FOXP2: variants seen among roughly 807,000 people sequenced by gnomAD.
FOXP2 encodes forkhead box P2, also known as forkhead box protein P2.
In FOXP2, 12 loss-of-function variants were observed where a neutral mutation model predicts 115.8. That is an observed-to-expected ratio of 0.10 (90% CI 0.07 to 0.17). The LOEUF (loss-of-function observed/expected upper bound fraction) is 0.17. Ranked by LOEUF, FOXP2 falls within the 10% of genes least tolerant of loss-of-function variation. The probability of loss-of-function intolerance (pLI) is 1.00; values close to 1 mark genes in which losing one functional copy is unlikely to be tolerated. For synonymous variants in FOXP2, 328 were observed against 297.7 expected, an observed-to-expected ratio of 1.10 and a Z score of -1.05; for missense variants, 629 against 843.5, an observed-to-expected ratio of 0.75 and a Z score of 3.15.
chr7:114,572,007 G>A (rs1019388298), intron 3 of FOXP2, among the ~76,000 whole-genome samples: 2 of 151,532 alleles, frequency 1.3e-5, no homozygotes, highest in South Asian at 2.1e-4. Flanking sequence ...TATAATTGGC[G>A]AACAACAACA....
At chr7:114,329,473 C>T (rs1410894923) in intron 2 of FOXP2, among the ~76,000 whole-genome samples, 3 of 145,370 alleles carry the variant, frequency 2.1e-5, no homozygotes, top group African/African-American at 7.6e-5. Flanking sequence ...GAGCCGAGAT[C>T]GTGCCATTGA....
intron 1 of FOXP2, among the ~76,000 whole-genome samples, chr7:114,229,728 T>C (rs186684284): frequency 5.4e-4 from 82 of 151,550 alleles, no homozygotes; most frequent in East Asian, 1.7e-3. Context: ...CCAAGACTTA[T>C]GGAATGTCAC....
chr7:114,561,371 T>C (rs1447590633), intron 3 of FOXP2: 1 of 152,168 alleles, frequency 6.6e-6, no homozygotes, highest in African/African-American at 2.4e-5. Flanking sequence ...TACTGGACAA[T>C]AGCACCAAGT....
intron 2 of FOXP2, among the ~76,000 whole-genome samples, chr7:114,440,135 T>A (rs1034678181): frequency 6.6e-6 from 1 of 152,176 alleles, no homozygotes; most frequent in African/African-American, 2.4e-5. Context: ...ATCCCCATTT[T>A]ATAGATTATA....
Position 114,689,952 on chromosome 7 carries a change from G to A in FOXP2, c.*26G>A, listed in dbSNP as rs1808572776. 6.2e-7 allele frequency: 1 copy of A among 1,611,790 alleles called. No homozygotes were observed. The highest frequency in any genetic ancestry group is 8.5e-7 in the Non-Finnish European group (1 of 1,178,926). On this transcript the variant is annotated 3_prime_UTR_variant, in exon 17 of 17. Transcript: ENST00000350908. ...GAACTGACTTGTGAAACCTCAGCGTGAAGGGACATATCACTGACCTTCATA... is the reference window on the plus strand; with the variant it reads ...GAACTGACTTGTGAAACCTCAGCGTAAAGGGACATATCACTGACCTTCATA...
chr7:114,216,549 C>T (rs1020950801), intron 1 of FOXP2, among the ~76,000 whole-genome samples: 5 of 151,904 alleles, frequency 3.3e-5, no homozygotes, highest in South Asian at 4.2e-4. Context: ...TAATATATGC[C>T]TTCACTGCAA....
intron 2 of FOXP2, among the ~76,000 whole-genome samples, chr7:114,530,027 T>C (rs1056207804): frequency 5.3e-5 from 8 of 151,964 alleles, no homozygotes; most frequent in African/African-American, 1.7e-4. Context: ...GGTTAAACTA[T>C]ATGAATATGA....
intron 1 of FOXP2, among the ~76,000 whole-genome samples, chr7:114,177,658 T>A (rs2129154409): frequency 6.6e-6 from 1 of 152,156 alleles, no homozygotes; most frequent in South Asian, 2.1e-4. Flanking sequence ...AATAACATAT[T>A]TTTGTTTTGT....
intron 1 of FOXP2, among the ~76,000 whole-genome samples, chr7:114,115,337 G>A (rs1403235310): frequency 6.6e-6 from 1 of 152,174 alleles, no homozygotes; most frequent in South Asian, 2.1e-4. Flanking sequence ...ACAGCAGGCA[G>A]AATGATGTTT....
intron 3 of FOXP2, among the ~76,000 whole-genome samples, chr7:114,626,557 C>CTCTCTG (rs1554433742): frequency 2.6e-5 from 3 of 117,194 alleles, no homozygotes; most frequent in African/African-American, 1.1e-4. Flanking sequence ...CTCTCTGTCT[C>CTCTCTG]TCTCTCTATA....
chr7:114,642,518 A>G lies in FOXP2; in HGVS notation c.884A>G (p.Asn295Ser), dbSNP rs775819986. The change falls in exon 7 of 17, where the codon AAT becomes AGT. Residue 295 changes from asparagine to serine, a missense_variant. This residue lies in a region of FOXP2 where 92 missense variants were observed against 80.1 expected (regional missense o/e 1.15). Transcript: ENST00000350908. ...KHGGLDLTTNNSSSTTSSNTS... is the reference protein window; with the variant it reads ...KHGGLDLTTNSSSSTTSSNTS... ...GGAGGGCTAGACCTCACTACTAACA[A>G]TTCCTCCTCGACTACCTCCTCCAAC... 5.8e-5 allele frequency: 93 copies of G among 1,613,766 alleles called. No homozygotes were observed. The South Asian group carries it at 9.6e-4, about 17-fold the overall frequency.
At chr7:114,326,390 C>A (rs1426287319) in intron 2 of FOXP2, among the ~76,000 whole-genome samples, 2 of 152,086 alleles carry the variant, frequency 1.3e-5, no homozygotes, top group South Asian at 2.1e-4. Context: ...TTCACCTACT[C>A]ATGGGAATGG....
chr7:114,366,200 C>T (rs1791877848), intron 2 of FOXP2, among the ~76,000 whole-genome samples: 2 of 152,024 alleles, frequency 1.3e-5, no homozygotes, highest in African/African-American at 4.8e-5. Flanking sequence ...GGTCTATAGC[C>T]ACAGATTTGT....
intron 1 of FOXP2, among the ~76,000 whole-genome samples, chr7:114,175,026 A>G (rs993824649): frequency 2.0e-5 from 3 of 152,130 alleles, no homozygotes; most frequent in Non-Finnish European, 4.4e-5. Context: ...CTCAGACACT[A>G]AAGAGAGGGT....
intron 2 of FOXP2, among the ~76,000 whole-genome samples, chr7:114,519,330 T>C (rs1798499197): frequency 6.6e-6 from 1 of 152,148 alleles, no homozygotes; most frequent in Non-Finnish European, 1.5e-5. Context: ...TTTGGATTTG[T>C]CCTCAAATTT....
chr7:114,123,668 C>T (rs577727962), intron 1 of FOXP2, among the ~76,000 whole-genome samples: 22 of 152,140 alleles, frequency 1.4e-4, no homozygotes, highest in African/African-American at 5.1e-4. Context: ...CATATTTATG[C>T]ATTATAAATG....
intron 1 of FOXP2, among the ~76,000 whole-genome samples, chr7:114,145,056 T>C (rs1384495986): frequency 6.6e-6 from 1 of 152,182 alleles, no homozygotes; most frequent in Non-Finnish European, 1.5e-5. Flanking sequence ...AAGCAGGGAA[T>C]TGAGCACTAA....
chr7:114,452,032 A>G (rs1795097402), intron 2 of FOXP2, among the ~76,000 whole-genome samples: 1 of 151,982 alleles, frequency 6.6e-6, no homozygotes, highest in Non-Finnish European at 1.5e-5. Context: ...TTCTAACCCC[A>G]TAGATCAGAC....
intron 2 of FOXP2, among the ~76,000 whole-genome samples, chr7:114,304,830 C>T (rs1011734575): frequency 6.6e-6 from 1 of 151,854 alleles, no homozygotes; most frequent in Non-Finnish European, 1.5e-5. Flanking sequence ...TGCACATCCA[C>T]AAAAATGGTT....
Sources: gnomAD v4.1 joint callset for allele counts (sites outside exome capture counted in the v4.1 genomes callset) on GRCh38, gnomAD v4.1.1 for gene constraint, gnomAD v4.1.1 regional missense constraint, MANE v1.5 for transcripts, NCBI Gene and HGNC (gene_info 2026-07-23, HGNC 2026-07-21) for gene names.